GNG3: variants seen among roughly 807,000 people sequenced by gnomAD.
GNG3 encodes guanine nucleotide-binding protein G(I)/G(S)/G(O) subunit gamma-3.
In GNG3, 4 loss-of-function variants were observed where a neutral mutation model predicts 5.6. The ratio of observed to expected loss-of-function variants is 0.71; its 90% CI spans 0.35 to 1.63. The LOEUF is 1.63. Among genes scored for constraint, GNG3 ranks in the 40% most tolerant of loss-of-function variants. The pLI is 0.05. For missense variants in GNG3, 62 were observed against 96.6 expected, an observed-to-expected ratio of 0.64 and a Z score of 1.50; for synonymous variants, 30 against 33.5, an observed-to-expected ratio of 0.89 and a Z score of 0.36.
In GNG3 at chr11:62,708,159, T is replaced by G. The variant is rs928276440; in HGVS notation, c.-1-136T>G. The G allele has an allele frequency of 2.4e-4, 167 of 695,430 alleles. 2 individuals are homozygous for G. Among genetic ancestry groups the G allele is most frequent in the Admixed American group, 1.9e-4 (9 of 48,282 alleles). The allele number at this position is 695,430 out of a possible 1,614,324, so 43.1% of individuals were successfully genotyped here. A position where few individuals can be genotyped will look rare whatever the true frequency, so the allele number is the denominator to read the frequency against. On this transcript the variant is annotated intron_variant, in intron 1 of 2. Coordinates refer to ENST00000294117, the MANE Select transcript of GNG3 (RefSeq NM_012202.5). ...GGAATACAGGGATGAGACAGTCCACTGGAGGAGGAGGAGGAGGATAGGAGG... is the reference window on the plus strand; with the variant it reads ...GGAATACAGGGATGAGACAGTCCACGGGAGGAGGAGGAGGAGGATAGGAGG...
chr11:62,708,344 C>G lies in GNG3; in HGVS notation c.49C>G (p.Arg17Gly). Reference protein sequence around the residue: ...VNSTMSIGQARKMVEQLKIEA... With the variant: ...VNSTMSIGQAGKMVEQLKIEA... ...CAGCACTATGAGTATTGGGCAAGCA[C>G]GCAAGATGGTGGAACAGCTTAAGAT... is the stretch of plus-strand genomic sequence containing the variant. Residue 17 changes from arginine (R) to glycine (G), a missense_variant, in exon 2 of 3, where the codon CGC becomes GGC. Coordinates refer to ENST00000294117, the MANE Select transcript of GNG3 (RefSeq NM_012202.5). 1 of 1,613,776 alleles carries G rather than the reference C, an allele frequency of 6.2e-7. No homozygotes were observed. The highest frequency in any genetic ancestry group is 8.5e-7 in the Non-Finnish European group (1 of 1,179,676).
chr11:62,708,657 C>T (rs1226041442), intron 2 of GNG3, 21 bp from the exon 3 acceptor site: 2 of 1,612,804 alleles, frequency 1.2e-6, no homozygotes, highest in African/African-American at 1.3e-5. Context: ...GCTAACAATA[C>T]CCTTCCTGGC....
chr11:62,708,387 G>T lies in GNG3; in HGVS notation c.92G>T (p.Arg31Leu). Residue 31 changes from arginine (R) to leucine (L), a missense_variant, in exon 2 of 3, where the codon CGG becomes CTG. Coordinates refer to ENST00000294117, the MANE Select transcript of GNG3 (RefSeq NM_012202.5). ...CTTAAGATTGAAGCCAGCTTGTGTCGGATAAAGGTAGGTGGGACCCTGGCT... is the reference window on the plus strand; with the variant it reads ...CTTAAGATTGAAGCCAGCTTGTGTCTGATAAAGGTAGGTGGGACCCTGGCT... Reference protein sequence around the residue: ...EQLKIEASLCRIKVSKAAADL... With the variant: ...EQLKIEASLCLIKVSKAAADL... 6.2e-7 allele frequency: 1 copy of T among 1,610,408 alleles called. No individual in the cohort carries two copies. The highest frequency in any genetic ancestry group is 8.5e-7 in the Non-Finnish European group (1 of 1,176,640).
At position 62,708,551 on chromosome 11, in the gene GNG3, G is replaced by T. The variant is rs918715972; in HGVS notation, c.100-127G>T. Reference sequence around the variant, plus strand: ...GAGAGAGCTGTCCCCAGGCCTCTGGGGGGGATGAGGGAGAAGACAAGTCGT... The same window carrying T: ...GAGAGAGCTGTCCCCAGGCCTCTGGTGGGGATGAGGGAGAAGACAAGTCGT... On this transcript the variant is annotated intron_variant, in intron 2 of 2. Transcript: ENST00000294117. 1.6e-4 allele frequency: 225 copies of T among 1,391,180 alleles called. 1 individual carries two copies. The highest frequency in any genetic ancestry group is 2.0e-4 in the Non-Finnish European group (203 of 1,002,964). The allele number at this position is 1,391,180 out of a possible 1,614,324, so 86.2% of individuals were successfully genotyped here.
In GNG3 at chr11:62,709,185, AG is replaced by A. The variant is rs2083591965; in HGVS notation, c.*380del. On this transcript the variant is annotated 3_prime_UTR_variant, in exon 3 of 3. Transcript: ENST00000294117. ...GAGGGTAAAGCCATTTGAAGAATAA[AG>A]TCATCCAGAGCCTCAGGACAGCTCC... The A allele has an allele frequency of 2.2e-6, 1 of 458,884 alleles. No homozygotes were observed. The highest frequency in any genetic ancestry group is 2.0e-5 in the African/African-American group (1 of 50,164). 28.4% of individuals were successfully genotyped at this position (458,884 alleles called of 1,614,324 possible). A position where few individuals can be genotyped will look rare whatever the true frequency, so the allele number is the denominator to read the frequency against.
Position 62,707,772 on chromosome 11 carries a change from C to A in GNG3, c.-145C>A. On this transcript the variant is annotated 5_prime_UTR_variant, in exon 1 of 3. Transcript: ENST00000294117. ...CCTCTGGCCTGGCCCTCCCCAGGGG[C>A]CTCCTTTCGTATAGTCACTGCTTCT... 1 of 274,100 alleles carries A rather than the reference C, an allele frequency of 3.6e-6. No individual in the cohort carries two copies. Among genetic ancestry groups the A allele is most frequent in the Non-Finnish European group, 7.1e-6 (1 of 140,496 alleles). The allele number at this position is 274,100 out of a possible 1,614,324, so 17.0% of individuals were successfully genotyped here. A position where few individuals can be genotyped will look rare whatever the true frequency, so the allele number is the denominator to read the frequency against.
chr11:62,708,683 C>T lies in GNG3; in HGVS notation c.105C>T (p.Ser35=), dbSNP rs772507076. ...IEASLCRIKV[S]KAAADLMTYC... is the part of the protein sequence containing the mutation. ...CCTTCCTGGCTGTGTCCCAGGTGTCCAAGGCAGCAGCAGACCTGATGACTT... is the reference window on the plus strand; with the variant it reads ...CCTTCCTGGCTGTGTCCCAGGTGTCTAAGGCAGCAGCAGACCTGATGACTT... The change falls in exon 3 of 3, where the codon TCC becomes TCT. Residue 35 remains serine, a synonymous_variant. Coordinates refer to ENST00000294117, the MANE Select transcript of GNG3 (RefSeq NM_012202.5). 1.2e-6 allele frequency: 2 copies of T among 1,613,716 alleles called. No homozygotes were observed. Among genetic ancestry groups the T allele is most frequent in the South Asian group, 2.2e-5 (2 of 91,062 alleles).
At chr11:62,707,207 G>A (rs2083555799), upstream of GNG3, 1 of 1,552,146 alleles carries the variant, frequency 6.4e-7, no homozygotes, top group South Asian at 1.2e-5. Context: ...TTCCTGACGA[G>A]CCTCTGTTGA....
chr11:62,706,576 C>G, upstream of GNG3: 3 of 466,890 alleles, frequency 6.4e-6, no homozygotes, highest in South Asian at 4.7e-5. Context: ...CCGCTCGGCT[C>G]TCCCTTGAGA....
chr11:62,706,596 C>A (rs940405154), upstream of GNG3: 10 of 469,390 alleles, frequency 2.1e-5, no homozygotes, highest in South Asian at 1.5e-4. Context: ...ACTGCAATCA[C>A]AGCCCTCCGT....
upstream of GNG3, among the ~76,000 whole-genome samples, chr11:62,706,878 C>G (rs2083549507): frequency 6.6e-6 from 1 of 152,240 alleles, no homozygotes; most frequent in Non-Finnish European, 1.5e-5. Flanking sequence ...AGCACATTAT[C>G]TAGACTAGCT....
At chr11:62,708,254 C>T in intron 1 of GNG3, 41 bp from the exon 2 acceptor site, 1 of 1,313,818 alleles carries the variant, frequency 7.6e-7, no homozygotes, top group Non-Finnish European at 1.1e-6. Context: ...AGGGGGGCCT[C>T]CAGCTGAGAC....
At chr11:62,706,695 C>T (rs1199409032), upstream of GNG3, 4 of 482,768 alleles carry the variant, frequency 8.3e-6, no homozygotes, top group South Asian at 6.2e-5. Flanking sequence ...CCCACAGCTC[C>T]TAGGACCTGT....
At position 62,709,154 on chromosome 11, in the gene GNG3, T is replaced by C. The variant is rs1390277286; in HGVS notation, c.*348T>C. ...TCTTGCTCTCAGTCTCACCTGGAGC[T>C]ACTGGGAGGGTAAAGCCATTTGAAG... On this transcript the variant is annotated 3_prime_UTR_variant, in exon 3 of 3. Transcript: ENST00000294117. 4.2e-6 allele frequency: 2 copies of C among 473,238 alleles called. No individual in the cohort carries two copies. The highest frequency in any genetic ancestry group is 1.5e-5 in the South Asian group (1 of 64,596). 29.3% of individuals were successfully genotyped at this position (473,238 alleles called of 1,614,324 possible).
At chr11:62,707,272 C>T (rs886871071), upstream of GNG3, 1 of 1,226,054 alleles carries the variant, frequency 8.2e-7, no homozygotes, top group Admixed American at 2.0e-5. Flanking sequence ...GCGATCCAGA[C>T]GCTGATACCT....
Position 62,708,853 on chromosome 11 carries a change from C to A in GNG3, c.*47C>A. 1.4e-6 allele frequency: 2 copies of A among 1,464,676 alleles called. No individual in the cohort carries two copies. Among genetic ancestry groups the A allele is most frequent in the Non-Finnish European group, 9.5e-7 (1 of 1,048,348 alleles). The allele number at this position is 1,464,676 out of a possible 1,614,324, so 90.7% of individuals were successfully genotyped here. ...ACTCCTCCCTTTTCCCTCTCCTGGGCCCTTCCTTAGGTCAGTAATTGTTGT... is the reference window on the plus strand; with the variant it reads ...ACTCCTCCCTTTTCCCTCTCCTGGGACCTTCCTTAGGTCAGTAATTGTTGT... On this transcript the variant is annotated 3_prime_UTR_variant, in exon 3 of 3. Coordinates refer to ENST00000294117, the MANE Select transcript of GNG3 (RefSeq NM_012202.5).
At position 62,708,334 on chromosome 11, in the gene GNG3, T is replaced by C. The variant is rs1389661611; in HGVS notation, c.39T>C (p.Ile13=). 2 of 1,613,812 alleles carry C rather than the reference T, an allele frequency of 1.2e-6. No homozygotes were observed. Among genetic ancestry groups the C allele is most frequent in the Admixed American group, 1.7e-5 (1 of 60,018 alleles). ...CCCCGGTGAACAGCACTATGAGTATTGGGCAAGCACGCAAGATGGTGGAAC... is the reference window on the plus strand; with the variant it reads ...CCCCGGTGAACAGCACTATGAGTATCGGGCAAGCACGCAAGATGGTGGAAC... The part of the protein sequence containing the change: ...GETPVNSTMS[I]GQARKMVEQL... Residue 13 remains isoleucine (I), a synonymous_variant, in exon 2 of 3, where the codon ATT becomes ATC. Transcript: ENST00000294117.
chr11:62,708,505 G>GT, intron 2 of GNG3, 111 bp downstream of exon 2: 1 of 1,207,034 alleles, frequency 8.3e-7, no homozygotes, highest in Non-Finnish European at 1.2e-6. Flanking sequence ...TGAGGTCAGG[G>GT]GAGGAGTCTG....
rs746095570 is a variant in GNG3 at position 62,708,377 on chromosome 11, A to T, written c.82A>T (p.Ser28Cys). The T allele has an allele frequency of 1.2e-6, 2 of 1,612,728 alleles. No homozygotes were observed. The highest frequency in any genetic ancestry group is 3.3e-5 in the Admixed American group (2 of 60,012). ...GGTGGAACAGCTTAAGATTGAAGCC[A>T]GCTTGTGTCGGATAAAGGTAGGTGG... is the stretch of plus-strand genomic sequence containing the variant. The part of the protein sequence containing the change: ...KMVEQLKIEA[S>C]LCRIKVSKAA... Residue 28 changes from serine to cysteine, a missense_variant, in exon 2 of 3, where the codon AGC (serine) becomes TGC (cysteine). This residue lies in a region of GNG3 where 58 missense variants were observed against 75.4 expected (regional missense o/e 0.77). Coordinates refer to ENST00000294117, the MANE Select transcript of GNG3 (RefSeq NM_012202.5).
Sources: gnomAD v4.1 joint callset for allele counts (sites outside exome capture counted in the v4.1 genomes callset) on GRCh38, gnomAD v4.1.1 for gene constraint, gnomAD v4.1.1 regional missense constraint, MANE v1.5 for transcripts, NCBI Gene and HGNC (gene_info 2026-07-23, HGNC 2026-07-21) for gene names.